ABCC4: variants seen among roughly 807,000 people sequenced by gnomAD.
ABCC4 encodes the protein ATP-binding cassette sub-family C member 4.
ABCC4 carries 102 observed loss-of-function variants against 168.5 expected under a neutral mutation model. That is an observed-to-expected ratio of 0.61 (90% CI 0.52 to 0.71). ABCC4 has a LOEUF of 0.71. Among genes scored for constraint, ABCC4 ranks in the 30% least tolerant of loss-of-function variants. The pLI, the probability that ABCC4 is intolerant of heterozygous loss-of-function variation, is 0.00. For synonymous variants in ABCC4, 617 were observed against 590.7 expected (o/e 1.04, Z -0.65); for missense variants, 1,402 against 1,605.8 (o/e 0.87, Z 2.17).
At chr13:95,200,534 A>G (rs951225530) in intron 8 of ABCC4, among the ~76,000 whole-genome samples, 1 of 152,156 alleles carries the variant, frequency 6.6e-6, no homozygotes, top group Non-Finnish European at 1.5e-5. Context: ...TATCCTGGCC[A>G]ACGTGGTGAA....
At chr13:95,092,845 G>A (rs907840585) in intron 20 of ABCC4, among the ~76,000 whole-genome samples, 1 of 151,738 alleles carries the variant, frequency 6.6e-6, no homozygotes, top group African/African-American at 2.4e-5. Context: ...GATTAACCAA[G>A]AAAAGAAGAG....
chr13:95,194,851 A>C lies in ABCC4; in HGVS notation c.1248T>G (p.Thr416=). Residue 416 remains threonine (T), a synonymous_variant, in exon 9 of 31, where the codon ACT becomes ACG. Coordinates refer to ENST00000645237, the MANE Select transcript of ABCC4 (RefSeq NM_005845.5). The part of the protein sequence containing the change: ...GKKMVHVQDF[T]AFWDKASETP... ...GATATGTTACCTTATCCCAAAAAGC[A>C]GTAAAATCCTGCACATGCACCATCT... is the stretch of plus-strand genomic sequence containing the variant. 1 of 1,614,046 alleles carries C rather than the reference A, an allele frequency of 6.2e-7. No homozygotes were observed. The highest frequency in any genetic ancestry group is 8.5e-7 in the Non-Finnish European group (1 of 1,179,932).
Position 95,182,603 on chromosome 13 carries a change from A to G in ABCC4, c.1545+4098T>C, listed in dbSNP as rs553556624. 2.0e-5 allele frequency among the ~76,000 whole-genome samples: 3 copies of G among 152,334 alleles called. No individual in the cohort carries two copies. The South Asian group carries it at 6.2e-4, about 32-fold the overall frequency. ...GCTCTTATAATTAAGAAGGCCTGTT[A>G]TGTGCCTAGTAATCAGATGCTTTAA... On this transcript the variant is annotated intron_variant, in intron 11 of 30. Coordinates refer to ENST00000645237, the MANE Select transcript of ABCC4 (RefSeq NM_005845.5).
intron 20 of ABCC4, among the ~76,000 whole-genome samples, chr13:95,111,461 T>G (rs1259831826): frequency 3.9e-5 from 6 of 152,200 alleles, no homozygotes; most frequent in Non-Finnish European, 1.5e-5. Flanking sequence ...ATTCAAAAAC[T>G]TCCCTTAATT....
At position 95,282,239 on chromosome 13, in the gene ABCC4, C is replaced by G. The variant is rs369536808; in HGVS notation, c.74+19002G>C. On this transcript the variant is annotated intron_variant, in intron 1 of 30. Transcript: ENST00000645237. ...AACTTTGGGGGGACATAATTCAGCC[C>G]GTAATATGGGTGATAAAGGAGCAGG... Among the ~76,000 whole-genome samples, 5 of 152,120 alleles carry G rather than the reference C, an allele frequency of 3.3e-5. No individual in the cohort carries two copies. In the East Asian group the frequency reaches 9.7e-4, roughly 29 times the overall value.
chr13:95,286,438 A>T (rs1426085495), intron 1 of ABCC4, among the ~76,000 whole-genome samples: 1 of 152,044 alleles, frequency 6.6e-6, no homozygotes, highest in East Asian at 1.9e-4. Context: ...CTTCTTAAAG[A>T]TGTAATAATA....
intron 1 of ABCC4, among the ~76,000 whole-genome samples, chr13:95,285,798 AG>A (rs1398556079): frequency 6.6e-6 from 1 of 152,146 alleles, no homozygotes; most frequent in African/African-American, 2.4e-5. Flanking sequence ...GACCAGGAAA[AG>A]GAGAGTATTA....
At chr13:95,085,958 C>T (rs530886328) in intron 20 of ABCC4, among the ~76,000 whole-genome samples, 1 of 152,300 alleles carries the variant, frequency 6.6e-6, no homozygotes, top group African/African-American at 2.4e-5. Context: ...ACTGACCTTA[C>T]ACCTGTTCTC....
At chr13:95,200,718 TCAAAA>T (rs559882439) in intron 8 of ABCC4, among the ~76,000 whole-genome samples, 16 of 152,102 alleles carry the variant, frequency 1.1e-4, no homozygotes, top group South Asian at 6.2e-4. Flanking sequence ...AGACGCCGTC[TCAAAA>T]CAAAACAAAA....
chr13:95,111,572 C>T (rs11070109), intron 20 of ABCC4, among the ~76,000 whole-genome samples: 10,833 of 152,222 alleles, frequency 0.071, 494 homozygotes, highest in African/African-American at 0.11. Context: ...ACACATTACC[C>T]TCGCTGCCCC....
At chr13:95,204,225 C>A (rs992633483) in intron 8 of ABCC4, among the ~76,000 whole-genome samples, 2 of 152,086 alleles carry the variant, frequency 1.3e-5, no homozygotes, top group Non-Finnish European at 2.9e-5. Context: ...AAATAGGACT[C>A]CACAAGAAAC....
At chr13:95,034,995 T>C (rs2032058161) in intron 29 of ABCC4, among the ~76,000 whole-genome samples, 1 of 152,218 alleles carries the variant, frequency 6.6e-6, no homozygotes, top group Admixed American at 6.5e-5. Flanking sequence ...TCAGCAGTCC[T>C]GTGGCATTTT....
chr13:95,203,322 C>T (rs1248943909), intron 8 of ABCC4, among the ~76,000 whole-genome samples: 1 of 145,870 alleles, frequency 6.9e-6, no homozygotes, highest in Non-Finnish European at 1.5e-5. Context: ...AGCCTGGAAG[C>T]CAGTCAGGAG....
chr13:95,101,361 T>A (rs1385857504), intron 20 of ABCC4, among the ~76,000 whole-genome samples: 3 of 152,136 alleles, frequency 2.0e-5, no homozygotes, highest in Non-Finnish European at 4.4e-5. Context: ...CTGATTTTTT[T>A]TTTTTTTTAG....
chr13:95,240,772 A>G (rs1423045889), intron 3 of ABCC4, among the ~76,000 whole-genome samples: 1 of 152,122 alleles, frequency 6.6e-6, no homozygotes, highest in Non-Finnish European at 1.5e-5. Context: ...GGAGTTCGAG[A>G]CCAGGCTGGC....
At chr13:95,203,043 C>T (rs564382276) in intron 8 of ABCC4, among the ~76,000 whole-genome samples, 1 of 152,236 alleles carries the variant, frequency 6.6e-6, no homozygotes, top group East Asian at 1.9e-4. Context: ...GTGCTATTCA[C>T]CCTCCTCAGG....
At chr13:95,263,397 T>G (rs2040585384) in intron 1 of ABCC4, among the ~76,000 whole-genome samples, 1 of 152,168 alleles carries the variant, frequency 6.6e-6, no homozygotes, top group Admixed American at 6.5e-5. Context: ...GAACCAACTG[T>G]ATATGTATAT....
intron 20 of ABCC4, among the ~76,000 whole-genome samples, chr13:95,089,491 A>G (rs555674333): frequency 2.0e-5 from 3 of 152,084 alleles, no homozygotes; most frequent in Non-Finnish European, 4.4e-5. Context: ...GGTCACGGGC[A>G]CCTGTAATCC....
chr13:95,254,444 A>T (rs1490070890), intron 1 of ABCC4, among the ~76,000 whole-genome samples: 1 of 151,978 alleles, frequency 6.6e-6, no homozygotes, highest in Non-Finnish European at 1.5e-5. Flanking sequence ...CTGATTCAAC[A>T]CCTCCTCCTC....
Sources: allele counts gnomAD v4.1 joint callset (sites outside exome capture counted in the v4.1 genomes callset), GRCh38; gene constraint gnomAD v4.1.1; transcripts MANE v1.5; gene names NCBI Gene and HGNC (gene_info 2026-07-23, HGNC 2026-07-21).